PRIM2: variants seen among roughly 807,000 people sequenced by gnomAD.
The protein encoded by PRIM2 is DNA primase subunit 2.
A neutral mutation model predicts 67.3 loss-of-function variants in PRIM2; 39 were observed. That is an observed-to-expected ratio of 0.58 (90% confidence interval 0.45 to 0.76). The LOEUF (loss-of-function observed/expected upper bound fraction) is 0.76, where lower values mean the gene tolerates loss of function less well. PRIM2 is among the 30% of genes least tolerant of loss of function. The probability of loss-of-function intolerance (pLI) is 0.00; values close to 1 mark genes in which losing one functional copy is unlikely to be tolerated. For missense variants in PRIM2, 398 were observed against 598.7 expected (o/e 0.66, Z 3.50); for synonymous variants, 143 against 198.7 (o/e 0.72, Z 2.36).
chr6:57,636,182 A>G (rs1777118348), intron 13 of PRIM2, among the ~76,000 whole-genome samples: 1 of 152,202 alleles, frequency 6.6e-6, no homozygotes, highest in Admixed American at 6.5e-5. Flanking sequence ...AATAGTAACC[A>G]AAAAAGAAAA....
chr6:57,249,632 C>G, the PRIM2 span, among the ~76,000 whole-genome samples: 1 of 152,086 alleles, frequency 6.6e-6, no homozygotes, highest in Non-Finnish European at 1.5e-5. Flanking sequence ...ATCCCAGCTA[C>G]TCAGGAGGCT....
intron 5 of PRIM2, among the ~76,000 whole-genome samples, chr6:57,341,900 A>C (rs962962414): frequency 1.1e-4 from 16 of 152,294 alleles, no homozygotes; most frequent in Non-Finnish European, 1.2e-4. Flanking sequence ...CATGTCTTTG[A>C]GTCAACCTGG....
chr6:57,623,941 T>C (rs1179131717), intron 12 of PRIM2, among the ~76,000 whole-genome samples: 2 of 152,220 alleles, frequency 1.3e-5, no homozygotes, highest in African/African-American at 4.8e-5. Context: ...CCAGGAGATA[T>C]GATACATCTT....
chr6:57,334,076 C>T (rs1768141903), intron 5 of PRIM2, among the ~76,000 whole-genome samples: 1 of 152,148 alleles, frequency 6.6e-6, no homozygotes, highest in Non-Finnish European at 1.5e-5. Context: ...CCCTAACCAC[C>T]CCAGCTACTG....
the PRIM2 span, among the ~76,000 whole-genome samples, chr6:57,297,519 T>A: frequency 2.0e-5 from 3 of 152,206 alleles, no homozygotes; most frequent in Non-Finnish European, 4.4e-5. Flanking sequence ...GAATCACTAA[T>A]GGCTACTAAC....
At chr6:57,228,218 A>G in the PRIM2 span, among the ~76,000 whole-genome samples, 1 of 152,226 alleles carries the variant, frequency 6.6e-6, no homozygotes, top group Non-Finnish European at 1.5e-5. Context: ...TCAGTAATGA[A>G]GTGGTATAAA....
intron 7 of PRIM2, chr6:57,383,069 CTG>C (rs1770016161): frequency 6.6e-6 from 1 of 152,036 alleles, no homozygotes; most frequent in African/African-American, 2.4e-5. Flanking sequence ...TATTTAGTAA[CTG>C]TTAATATTCT....
the PRIM2 span, among the ~76,000 whole-genome samples, chr6:57,300,310 C>A: frequency 1.3e-5 from 2 of 152,264 alleles, no homozygotes; most frequent in East Asian, 3.9e-4. Flanking sequence ...GAACTTTAGC[C>A]CCTCTTGAGA....
At chr6:57,569,356 G>T (rs1775818234) in intron 10 of PRIM2, among the ~76,000 whole-genome samples, 1 of 152,160 alleles carries the variant, frequency 6.6e-6, no homozygotes, top group South Asian at 2.1e-4. Flanking sequence ...GGAAGTAAAT[G>T]AGCCCTTTTG....
chr6:57,329,927 A>G (rs1365780692), intron 5 of PRIM2, among the ~76,000 whole-genome samples: 1 of 152,176 alleles, frequency 6.6e-6, no homozygotes, highest in Non-Finnish European at 1.5e-5. Context: ...GTTAAGATTT[A>G]AAATTGAGAA....
chr6:57,467,037 G>A lies in PRIM2; in HGVS notation c.694-40350G>A, dbSNP rs1487567664. On this transcript the variant is annotated intron_variant, in intron 7 of 13. Transcript: ENST00000615550. Reference sequence around the variant, plus strand: ...GGAGAATCGCTTGAACCTGGGAAGCGGAGGTTGCAGTGAGCCAAGATTGTG... The same window carrying A: ...GGAGAATCGCTTGAACCTGGGAAGCAGAGGTTGCAGTGAGCCAAGATTGTG... Among the ~76,000 whole-genome samples, 207 of 150,948 alleles carry A rather than the reference G, an allele frequency of 1.4e-3. 1 individual carries two copies. Among genetic ancestry groups the A allele is most frequent in the Non-Finnish European group, 2.4e-3 (163 of 67,822 alleles).
the PRIM2 span, among the ~76,000 whole-genome samples, chr6:57,292,742 G>A: frequency 6.6e-6 from 1 of 152,126 alleles, no homozygotes; most frequent in African/African-American, 2.4e-5. Context: ...ATGGGGAAAG[G>A]GTTCCCTATT....
intron 7 of PRIM2, among the ~76,000 whole-genome samples, chr6:57,390,971 C>T (rs1343473551): frequency 6.6e-6 from 1 of 152,090 alleles, no homozygotes; most frequent in Non-Finnish European, 1.5e-5. Context: ...TACTGCTTTC[C>T]ACATTGGTTG....
At chr6:57,463,942 G>A (rs1436932857) in intron 7 of PRIM2, among the ~76,000 whole-genome samples, 1 of 152,156 alleles carries the variant, frequency 6.6e-6, no homozygotes, top group East Asian at 1.9e-4. Flanking sequence ...TTAGTTGCTG[G>A]AATGCTGAGT....
chr6:57,261,912 A>G, the PRIM2 span, among the ~76,000 whole-genome samples: 1 of 152,160 alleles, frequency 6.6e-6, no homozygotes, highest in African/African-American at 2.4e-5. Context: ...GGGTGTCTCA[A>G]CATCCCTTGC....
At chr6:57,409,368 G>A (rs1473637048) in intron 7 of PRIM2, among the ~76,000 whole-genome samples, 1 of 152,006 alleles carries the variant, frequency 6.6e-6, no homozygotes, top group Non-Finnish European at 1.5e-5. Context: ...GTAGAGGCAG[G>A]GTTTCACCGT....
chr6:57,448,864 T>C (rs1772443251), intron 7 of PRIM2, among the ~76,000 whole-genome samples: 1 of 152,196 alleles, frequency 6.6e-6, no homozygotes, highest in South Asian at 2.1e-4. Context: ...AGAGTCTGTA[T>C]TGTCAGTCTT....
At chr6:57,550,154 G>T (rs1419575332) in intron 10 of PRIM2, among the ~76,000 whole-genome samples, 2 of 151,516 alleles carry the variant, frequency 1.3e-5, no homozygotes, top group East Asian at 1.9e-4. Flanking sequence ...ATTATTTTTG[G>T]GCAGCAATTT....
intron 7 of PRIM2, among the ~76,000 whole-genome samples, chr6:57,431,556 G>C (rs1771828396): frequency 6.6e-6 from 1 of 152,106 alleles, no homozygotes; most frequent in Admixed American, 6.6e-5. Context: ...GCTCAGGTAA[G>C]AGGATTGCCT....
Sources: allele counts gnomAD v4.1 joint callset (sites outside exome capture counted in the v4.1 genomes callset), GRCh38; gene constraint gnomAD v4.1.1; transcripts MANE v1.5; gene names NCBI Gene and HGNC (gene_info 2026-07-23, HGNC 2026-07-21).